GFPT2: variants seen among roughly 807,000 people sequenced by gnomAD.
The protein encoded by GFPT2 is glutamine--fructose-6-phosphate aminotransferase [isomerizing] 2.
In GFPT2, 62 loss-of-function variants were observed where a neutral mutation model predicts 85.6. The ratio of observed to expected loss-of-function variants is 0.72; its 90% CI spans 0.59 to 0.90. GFPT2 has a LOEUF of 0.90. Ranked by LOEUF, GFPT2 falls within the 40% of genes least tolerant of loss-of-function variation. The pLI, the probability that GFPT2 is intolerant of heterozygous loss-of-function variation, is 0.00. For synonymous variants in GFPT2, 368 were observed against 344.5 expected (o/e 1.07, Z -0.75); for missense variants, 788 against 893.4 (o/e 0.88, Z 1.50).
chr5:180,325,476 C>T (rs971396110), intron 7 of GFPT2, among the ~76,000 whole-genome samples: 2 of 152,134 alleles, frequency 1.3e-5, no homozygotes, highest in African/African-American at 4.8e-5. Flanking sequence ...AGTGACACCC[C>T]GTGGATGGAA....
rs766213690 is a variant in GFPT2 at position 180,318,531 on chromosome 5, A to C, written c.958+262T>G. On this transcript the variant is annotated intron_variant, in intron 10 of 18. Coordinates refer to ENST00000253778, the MANE Select transcript of GFPT2 (RefSeq NM_005110.4). The surrounding 1 kb of genome is among the most constrained non-coding windows in gnomAD (Gnocchi z 4.2). Reference sequence around the variant, plus strand: ...ATGTGTCCCGCGGAGTCGGTGAAGGAAGGCAGCTGACACACTGGGCTCAGT... The same window carrying C: ...ATGTGTCCCGCGGAGTCGGTGAAGGCAGGCAGCTGACACACTGGGCTCAGT... The C allele has an allele frequency of 7.2e-5, 34 of 470,194 alleles. No individual in the cohort carries two copies. The highest frequency in any genetic ancestry group is 8.1e-5 in the Non-Finnish European group (21 of 258,322). The allele number at this position is 470,194 out of a possible 1,614,324, so 29.1% of individuals were successfully genotyped here. A position where few individuals can be genotyped will look rare whatever the true frequency, so the allele number is the denominator to read the frequency against.
chr5:180,321,844 C>G (rs547375976), intron 9 of GFPT2, among the ~76,000 whole-genome samples: 1 of 152,190 alleles, frequency 6.6e-6, no homozygotes, highest in Admixed American at 6.5e-5. Context: ...AGTGCAGTGG[C>G]GCGATCTCGG....
chr5:180,322,000 G>A (rs886545492), intron 9 of GFPT2, among the ~76,000 whole-genome samples: 3 of 151,798 alleles, frequency 2.0e-5, no homozygotes, highest in African/African-American at 4.8e-5. Context: ...TGTTGGCCAG[G>A]ATGGTCTCGA....
chr5:180,348,747 T>G (rs1764657479), intron 1 of GFPT2, among the ~76,000 whole-genome samples: 2 of 146,266 alleles, frequency 1.4e-5, no homozygotes, highest in Non-Finnish European at 3.0e-5. Context: ...TTTTTTTTTT[T>G]GTTTTCTTTT....
chr5:180,312,927 C>A (rs1763923126), intron 14 of GFPT2, among the ~76,000 whole-genome samples: 1 of 152,118 alleles, frequency 6.6e-6, no homozygotes, highest in Admixed American at 6.5e-5. Context: ...CAGGCACCCG[C>A]CACCACACCC....
intron 2 of GFPT2, among the ~76,000 whole-genome samples, chr5:180,336,866 G>A (rs1270546257): frequency 2.0e-5 from 3 of 152,352 alleles, no homozygotes; most frequent in Non-Finnish European, 4.4e-5. Flanking sequence ...GCGCTCCCAG[G>A]CCCTCGGCTG....
intron 9 of GFPT2, among the ~76,000 whole-genome samples, chr5:180,322,772 C>T (rs1486899561): frequency 6.6e-6 from 1 of 152,028 alleles, no homozygotes; most frequent in Non-Finnish European, 1.5e-5. Context: ...CGCGGTGGCT[C>T]ACACCTGTAA....
intron 1 of GFPT2, among the ~76,000 whole-genome samples, chr5:180,350,070 C>T (rs1418927382): frequency 1.3e-5 from 2 of 152,094 alleles, no homozygotes; most frequent in Non-Finnish European, 2.9e-5. Context: ...TCTGCAGGGC[C>T]CGTGCTCGTG....
intron 7 of GFPT2, among the ~76,000 whole-genome samples, chr5:180,325,148 G>A (rs1764191741): frequency 6.6e-6 from 1 of 152,106 alleles, no homozygotes; most frequent in African/African-American, 2.4e-5. Flanking sequence ...TCCTAGGCCG[G>A]GCCTCCTCCA....
intron 1 of GFPT2, among the ~76,000 whole-genome samples, chr5:180,340,801 A>G (rs1206381119): frequency 6.6e-6 from 1 of 152,118 alleles, no homozygotes; most frequent in Non-Finnish European, 1.5e-5. Context: ...GGCGTGAGCC[A>G]CCACGCCTGG....
intron 9 of GFPT2, among the ~76,000 whole-genome samples, chr5:180,320,699 G>A (rs770456709): frequency 1.3e-5 from 2 of 152,280 alleles, no homozygotes; most frequent in South Asian, 2.1e-4. Context: ...CCCAGGAGGC[G>A]GAGGCTGCAG....
At chr5:180,335,436 C>T (rs1160897361) in intron 4 of GFPT2, among the ~76,000 whole-genome samples, 1 of 152,222 alleles carries the variant, frequency 6.6e-6, no homozygotes, top group African/African-American at 2.4e-5. Flanking sequence ...TGCATAAGGA[C>T]AGAACCCATC....
Position 180,307,317 on chromosome 5 carries a change from G to A in GFPT2, c.1547-14C>T, listed in dbSNP as rs767016090. On this transcript the variant is annotated splice_polypyrimidine_tract_variant and intron_variant, in intron 15 of 18. Coordinates refer to ENST00000253778, the MANE Select transcript of GFPT2 (RefSeq NM_005110.4). ...CCTTGATCAGCTCTGGGCCATGCAC[G>A]GAGCAGAGGGAGAAAACCAGTCAGG... 63 of 1,612,812 alleles carry A rather than the reference G, an allele frequency of 3.9e-5. No homozygotes were observed. Among genetic ancestry groups the A allele is most frequent in the African/African-American group, 1.3e-4 (10 of 74,916 alleles).
At chr5:180,346,945 C>T (rs1172138181) in intron 1 of GFPT2, among the ~76,000 whole-genome samples, 1 of 152,238 alleles carries the variant, frequency 6.6e-6, no homozygotes, top group East Asian at 1.9e-4. Context: ...AAGTTTTCCC[C>T]TTTCTGTTAC....
intron 1 of GFPT2, among the ~76,000 whole-genome samples, chr5:180,347,201 G>C (rs547332296): frequency 6.6e-6 from 1 of 152,234 alleles, no homozygotes; most frequent in African/African-American, 2.4e-5. Context: ...AGGCTTTATG[G>C]AAAGTCTGAG....
At position 180,328,469 on chromosome 5, in the gene GFPT2, G is replaced by A. The variant is rs1764251114; in HGVS notation, c.535-131C>T. ...CCTGGGGTCCCTCGGGGAGCTGAGT[G>A]CAGAACAGCGCATCCGGGGTGACAT... On this transcript the variant is annotated intron_variant, in intron 6 of 18. Coordinates refer to ENST00000253778, the MANE Select transcript of GFPT2 (RefSeq NM_005110.4). The surrounding 1 kb of genome is among the most constrained non-coding windows in gnomAD (Gnocchi z 5.4). 2.9e-6 allele frequency: 2 copies of A among 680,306 alleles called. No homozygotes were observed. The highest frequency in any genetic ancestry group is 2.4e-5 in the Admixed American group (1 of 42,152). The allele number at this position is 680,306 out of a possible 1,614,324, so 42.1% of individuals were successfully genotyped here.
intron 1 of GFPT2, 38 bp from the exon 2 acceptor site, chr5:180,338,638 C>T (rs1176446647): frequency 3.2e-6 from 4 of 1,257,788 alleles, no homozygotes; most frequent in East Asian, 2.3e-5. Context: ...TCATAAAATA[C>T]TCAGCTCGTG....
At chr5:180,313,036 C>T (rs1763926314) in intron 14 of GFPT2, among the ~76,000 whole-genome samples, 1 of 152,008 alleles carries the variant, frequency 6.6e-6, no homozygotes, top group African/African-American at 2.4e-5. Flanking sequence ...CTCGGCCTCC[C>T]AAAGTGCTGG....
At chr5:180,305,270 C>T (rs1763754531) in intron 16 of GFPT2, among the ~76,000 whole-genome samples, 1 of 152,170 alleles carries the variant, frequency 6.6e-6, no homozygotes, top group Non-Finnish European at 1.5e-5. Flanking sequence ...TAGCTCACCC[C>T]CTGCTCCTCC....
Sources: gnomAD v4.1 joint callset for allele counts (sites outside exome capture counted in the v4.1 genomes callset) on GRCh38, gnomAD v4.1.1 for gene constraint, Gnocchi (gnomAD v3.1) non-coding constraint, MANE v1.5 for transcripts, NCBI Gene and HGNC (gene_info 2026-07-23, HGNC 2026-07-21) for gene names.